The following GABRA4 variants were observed in gnomAD, a reference collection of about 807,000 sequenced individuals.
GABRA4 encodes the protein gamma-aminobutyric acid receptor subunit alpha-4.
A neutral mutation model predicts 49.7 loss-of-function variants in GABRA4; 12 were observed. The ratio of observed to expected loss-of-function variants is 0.24; its 90% CI spans 0.15 to 0.39. The LOEUF is 0.39. Among genes scored for constraint, GABRA4 ranks in the 10% least tolerant of loss-of-function variants. GABRA4 has a pLI of 1.00. For missense variants in GABRA4, 506 were observed against 686.0 expected (o/e 0.74, Z 2.93); for synonymous variants, 288 against 240.2 (o/e 1.20, Z -1.84).
intron 8 of GABRA4, among the ~76,000 whole-genome samples, chr4:46,937,753 C>T (rs915899594): frequency 3.3e-5 from 5 of 152,162 alleles, no homozygotes; most frequent in African/African-American, 1.2e-4. Flanking sequence ...CCAGGTAACT[C>T]TTGAGTTATT....
chr4:46,991,556 C>T (rs1233273491), intron 2 of GABRA4, among the ~76,000 whole-genome samples: 1 of 152,202 alleles, frequency 6.6e-6, no homozygotes, highest in Admixed American at 6.5e-5. Flanking sequence ...TCATCTCCTA[C>T]ACACCCTCAA....
At chr4:46,930,743 A>C (rs1721399030) in intron 8 of GABRA4, among the ~76,000 whole-genome samples, 1 of 151,964 alleles carries the variant, frequency 6.6e-6, no homozygotes, top group African/African-American at 2.4e-5. Flanking sequence ...CCAAATTCTA[A>C]GGACTGGAGA....
At chr4:46,982,438 A>G (rs1723389734) in intron 2 of GABRA4, among the ~76,000 whole-genome samples, 1 of 152,012 alleles carries the variant, frequency 6.6e-6, no homozygotes, top group Non-Finnish European at 1.5e-5. Flanking sequence ...ATGGCCATCT[A>G]TAAGCCAAGG....
At chr4:46,932,905 C>A (rs1257429795) in intron 8 of GABRA4, among the ~76,000 whole-genome samples, 1 of 152,062 alleles carries the variant, frequency 6.6e-6, no homozygotes, top group Non-Finnish European at 1.5e-5. Flanking sequence ...GTATGTCATG[C>A]TTTTGACAGT....
intron 8 of GABRA4, among the ~76,000 whole-genome samples, chr4:46,950,687 GT>G (rs1722137389): frequency 7.8e-6 from 1 of 128,342 alleles, no homozygotes; most frequent in African/African-American, 2.8e-5. Flanking sequence ...GCCCTCCCAC[GT>G]TTTTTTAAGC....
At chr4:46,980,620 G>A (rs1197797995) in intron 2 of GABRA4, among the ~76,000 whole-genome samples, 1 of 152,142 alleles carries the variant, frequency 6.6e-6, no homozygotes, top group East Asian at 1.9e-4. Context: ...GAGATTTAAT[G>A]TTTTCAAGAC....
chr4:46,943,124 A>G (rs989565310), intron 8 of GABRA4, among the ~76,000 whole-genome samples: 2 of 152,116 alleles, frequency 1.3e-5, no homozygotes, highest in African/African-American at 4.8e-5. Flanking sequence ...CCCTTATGGA[A>G]CTTACATTCT....
chr4:46,943,407 C>A (rs1364720138), intron 8 of GABRA4, among the ~76,000 whole-genome samples: 2 of 152,164 alleles, frequency 1.3e-5, no homozygotes, highest in African/African-American at 4.8e-5. Context: ...GGCTATTGCA[C>A]AACCTATTAA....
chr4:46,930,499 T>C (rs1159051106), intron 8 of GABRA4, among the ~76,000 whole-genome samples: 2 of 151,820 alleles, frequency 1.3e-5, no homozygotes, highest in Non-Finnish European at 2.9e-5. Context: ...GAAACATACA[T>C]ACACACATGA....
At chr4:46,977,320 GGGAGGGAGGA>G in intron 4 of GABRA4, 80 bp downstream of exon 4, 1 of 719,712 alleles carries the variant, frequency 1.4e-6, no homozygotes. Flanking sequence ...GAGGGAGGAA[GGGAGGGAGGA>G]AGGAAGGAAG....
At position 46,920,161 on chromosome 4, in the gene GABRA4, C is replaced by T. The variant is rs1720930504; in HGVS notation, c.*8064G>A. On this transcript the variant is annotated 3_prime_UTR_variant, in exon 9 of 9. Transcript: ENST00000264318. ...ATCAAACTTTAACTGAAATGCTATA[C>T]ATTGTCTGTTATCAGAGCTTCTTTT... The T allele has an allele frequency of 6.6e-6, 1 of 151,644 alleles. No homozygotes were observed. Among genetic ancestry groups the T allele is most frequent in the Admixed American group, 6.6e-5 (1 of 15,188 alleles). The allele number at this position is 151,644 out of a possible 1,614,324, so 9.4% of individuals were successfully genotyped here. A position where few individuals can be genotyped will look rare whatever the true frequency, so the allele number is the denominator to read the frequency against.
In GABRA4 at chr4:46,928,187, T is replaced by C. The variant is rs199652022; in HGVS notation, c.*38A>G. 1 of 1,477,246 alleles carries C rather than the reference T, an allele frequency of 6.8e-7. No homozygotes were observed. Among genetic ancestry groups the C allele is most frequent in the East Asian group, 2.3e-5 (1 of 43,624 alleles). 91.5% of individuals were successfully genotyped at this position (1,477,246 alleles called of 1,614,324 possible). A position where few individuals can be genotyped will look rare whatever the true frequency, so the allele number is the denominator to read the frequency against. The stretch of plus-strand genomic sequence containing the variant: ...AAAACATTTAAAAAGACATTCTGCA[T>C]TTTCATCATCTTTTAGCAAACTACT... On this transcript the variant is annotated 3_prime_UTR_variant, in exon 9 of 9. Transcript: ENST00000264318.
At chr4:46,989,011 T>C (rs910693690) in intron 2 of GABRA4, among the ~76,000 whole-genome samples, 4 of 152,366 alleles carry the variant, frequency 2.6e-5, no homozygotes, top group South Asian at 2.1e-4. Flanking sequence ...AGTCCACTAA[T>C]GTGAAGTCCT....
At position 46,964,977 on chromosome 4, in the gene GABRA4, G is replaced by T. The variant is rs1461359767; in HGVS notation, c.1127C>A (p.Pro376His). The T allele has an allele frequency of 6.3e-7, 1 of 1,596,956 alleles. No homozygotes were observed. The highest frequency in any genetic ancestry group is 8.5e-7 in the Non-Finnish European group (1 of 1,170,588). Residue 376 changes from proline (P) to histidine (H), a missense_variant, in exon 8 of 9, where the codon CCT (proline) becomes CAT (histidine). Coordinates refer to ENST00000264318, the MANE Select transcript of GABRA4 (RefSeq NM_000809.4). The part of the protein sequence containing the change: ...PVQREKHPEA[P>H]LQNTNANLNM... ...GTGGATTAAGTCAAATACCTGCAGA[G>T]GGGCTTCAGGATGCTTCTCTCTCTG...
intron 8 of GABRA4, among the ~76,000 whole-genome samples, chr4:46,946,860 C>A (rs1263759915): frequency 1.3e-5 from 2 of 151,930 alleles, no homozygotes; most frequent in African/African-American, 2.4e-5. Flanking sequence ...GCAGCAGATT[C>A]AAAAATAATT....
rs1199035023 is a variant in GABRA4, at chr4:46,992,949, G to A, written c.87-3C>T. 3 of 1,505,148 alleles carry A rather than the reference G, an allele frequency of 2.0e-6. No individual in the cohort carries two copies. Among genetic ancestry groups the A allele is most frequent in the Non-Finnish European group, 1.8e-6 (2 of 1,103,960 alleles). The allele number at this position is 1,505,148 out of a possible 1,614,324, so 93.2% of individuals were successfully genotyped here. ...TCTGTCCTGGGGATTCGTTTAAACT[G>A]CAAGCGAAAAAAAAAAAACCGGGGG... On this transcript the variant is annotated splice_region_variant and splice_polypyrimidine_tract_variant and intron_variant, in intron 1 of 8. Transcript: ENST00000264318.
chr4:46,956,371 T>C (rs1212894788), intron 8 of GABRA4, among the ~76,000 whole-genome samples: 2 of 152,128 alleles, frequency 1.3e-5, no homozygotes, highest in African/African-American at 4.8e-5. Context: ...GCATGTTAGC[T>C]TAAACTATTT....
At chr4:46,970,379 G>A (rs1230445678) in intron 7 of GABRA4, among the ~76,000 whole-genome samples, 6 of 151,334 alleles carry the variant, frequency 4.0e-5, no homozygotes, top group African/African-American at 1.5e-4. Flanking sequence ...AAAGAATAGA[G>A]AAAGACATTA....
chr4:46,990,479 T>G (rs1333792177), intron 2 of GABRA4, among the ~76,000 whole-genome samples: 9 of 152,186 alleles, frequency 5.9e-5, no homozygotes, highest in African/African-American at 2.2e-4. Context: ...GCTGGGCACA[T>G]CTTATTTTAA....
Sources: allele counts gnomAD v4.1 joint callset (sites outside exome capture counted in the v4.1 genomes callset), GRCh38; gene constraint gnomAD v4.1.1; transcripts MANE v1.5; gene names NCBI Gene and HGNC (gene_info 2026-07-23, HGNC 2026-07-21).